Variants in PPIL4 observed in about 807,000 individuals in gnomAD.
The protein encoded by PPIL4 is peptidyl-prolyl cis-trans isomerase-like 4.
A neutral mutation model predicts 69.1 loss-of-function variants in PPIL4; 50 were observed. The ratio of observed to expected loss-of-function variants is 0.72; its 90% CI spans 0.58 to 0.92. PPIL4 has a LOEUF of 0.92. Among genes scored for constraint, PPIL4 ranks in the 40% least tolerant of loss-of-function variants. The pLI, the probability that PPIL4 is intolerant of heterozygous loss-of-function variation, is 0.00. For synonymous variants in PPIL4, 193 were observed against 191.6 expected (o/e 1.01, Z -0.06); for missense variants, 480 against 587.9 (o/e 0.82, Z 1.90).
chr6:149,525,185 C>T lies in PPIL4; in HGVS notation c.828G>A (p.Lys276=). Residue 276 remains lysine, a synonymous_variant, in exon 9 of 13, where the codon AAG becomes AAA. Transcript: ENST00000253329. The part of the protein sequence containing the change: ...IRSCEVIRDW[K]TGESLCYAFI... Reference sequence around the variant, plus strand: ...AAGCGTAACAGAGGGACTCTCCTGTCTTCCAGTCTCGGATAACTTCACAAC... The same window carrying T: ...AAGCGTAACAGAGGGACTCTCCTGTTTTCCAGTCTCGGATAACTTCACAAC... 1 of 1,564,898 alleles carries T rather than the reference C, an allele frequency of 6.4e-7. No homozygotes were observed. Among genetic ancestry groups the T allele is most frequent in the Non-Finnish European group, 8.7e-7 (1 of 1,145,050 alleles).
intron 10 of PPIL4, 37 bp downstream of exon 10, chr6:149,521,023 A>AG (rs758475734): frequency 8.1e-7 from 1 of 1,229,668 alleles, no homozygotes; most frequent in East Asian, 2.3e-5. Context: ...AAAAAAAAAA[A>AG]AAAAGCAGAA....
In PPIL4 at chr6:149,545,970, G is replaced by A. The variant is rs1777434960; in HGVS notation, c.36C>T (p.Val12=). 1 of 1,590,238 alleles carries A rather than the reference G, an allele frequency of 6.3e-7. No individual in the cohort carries two copies. The highest frequency in any genetic ancestry group is 8.6e-7 in the Non-Finnish European group (1 of 1,165,844). Residue 12 remains valine (V), a synonymous_variant, in exon 1 of 13, where the codon GTC becomes GTT. Coordinates refer to ENST00000253329, the MANE Select transcript of PPIL4 (RefSeq NM_139126.4). ...GTTCTTCGGTGTACAAGTCGATGACGACGTCGCCTAAAGTGGTCTCCAGTA... is the reference window on the plus strand; with the variant it reads ...GTTCTTCGGTGTACAAGTCGATGACAACGTCGCCTAAAGTGGTCTCCAGTA... ...AVLLETTLGD[V]VIDLYTEERP... is the part of the protein sequence containing the mutation.
chr6:149,514,018 T>C (rs1776900864), intron 11 of PPIL4, among the ~76,000 whole-genome samples: 1 of 152,072 alleles, frequency 6.6e-6, no homozygotes, highest in South Asian at 2.1e-4. Context: ...CAGACACACT[T>C]CCCTCAGGAC....
At chr6:149,524,074 C>T (rs1777071249) in intron 9 of PPIL4, among the ~76,000 whole-genome samples, 2 of 152,138 alleles carry the variant, frequency 1.3e-5, no homozygotes. Context: ...TTAGAATGAG[C>T]TACTACTGGA....
intron 9 of PPIL4, among the ~76,000 whole-genome samples, chr6:149,523,978 C>T (rs886820491): frequency 6.6e-6 from 1 of 152,178 alleles, no homozygotes; most frequent in Non-Finnish European, 1.5e-5. Flanking sequence ...CCCCAACCCT[C>T]CATGATTCAT....
intron 11 of PPIL4, among the ~76,000 whole-genome samples, chr6:149,514,006 C>T (rs1310547814): frequency 2.6e-5 from 4 of 152,144 alleles, no homozygotes; most frequent in African/African-American, 9.7e-5. Context: ...CCACAGTAAA[C>T]GCAGACACAC....
intron 4 of PPIL4, among the ~76,000 whole-genome samples, chr6:149,536,340 C>T (rs1777274932): frequency 6.6e-6 from 1 of 152,138 alleles, no homozygotes; most frequent in African/African-American, 2.4e-5. Flanking sequence ...ACATCTCTTA[C>T]TTTAAATCAA....
At chr6:149,506,591 A>G (rs780021108) in intron 12 of PPIL4, among the ~76,000 whole-genome samples, 5 of 152,162 alleles carry the variant, frequency 3.3e-5, no homozygotes, top group Non-Finnish European at 7.4e-5. Flanking sequence ...GAAAGACAGA[A>G]GTTAGAGAGG....
At chr6:149,541,683 A>C in intron 1 of PPIL4, 97 bp from the exon 2 acceptor site, 10 of 686,240 alleles carry the variant, frequency 1.5e-5, no homozygotes, top group Middle Eastern at 4.1e-4. Flanking sequence ...AATTACTATT[A>C]AAAGAAAAAA....
chr6:149,524,326 C>T (rs1260258049), intron 9 of PPIL4, among the ~76,000 whole-genome samples: 1 of 152,158 alleles, frequency 6.6e-6, no homozygotes, highest in East Asian at 1.9e-4. Flanking sequence ...TAATGCCTAG[C>T]TTAAAGTAAA....
chr6:149,529,270 G>A (rs373237979), intron 7 of PPIL4, among the ~76,000 whole-genome samples: 8 of 150,448 alleles, frequency 5.3e-5, no homozygotes, highest in East Asian at 3.9e-4. Context: ...ATCCCAGGCC[G>A]GGCAACATAG....
In PPIL4 at chr6:149,504,691, G is replaced by GT. The variant is rs1306489768; in HGVS notation, c.*761dup. On this transcript the variant is annotated 3_prime_UTR_variant, in exon 13 of 13. Transcript: ENST00000253329. ...GTGTTGGAGATGCTATGAAACAAAGGTAACTCACAGTGCCAAGAGAGGTAT... is the reference window on the plus strand; with the variant it reads ...GTGTTGGAGATGCTATGAAACAAAGGTTAACTCACAGTGCCAAGAGAGGTAT... The GT allele has an allele frequency of 6.6e-6, 1 of 152,092 alleles. No homozygotes were observed. The highest frequency in any genetic ancestry group is 1.9e-4 in the East Asian group (1 of 5,194). 9.4% of individuals were successfully genotyped at this position (152,092 alleles called of 1,614,324 possible).
At chr6:149,534,843 G>C in intron 5 of PPIL4, 69 bp from the exon 6 acceptor site, 1 of 952,944 alleles carries the variant, frequency 1.0e-6, no homozygotes, top group Non-Finnish European at 1.6e-6. Context: ...TATTTTAATA[G>C]ATTACAAAAA....
At chr6:149,507,552 G>A (rs1306776443) in intron 12 of PPIL4, among the ~76,000 whole-genome samples, 1 of 151,946 alleles carries the variant, frequency 6.6e-6, no homozygotes, top group Non-Finnish European at 1.5e-5. Flanking sequence ...TGTATTGGTT[G>A]AGACAAACTT....
intron 8 of PPIL4, among the ~76,000 whole-genome samples, chr6:149,526,314 C>G (rs1777106425): frequency 6.6e-6 from 1 of 151,746 alleles, no homozygotes; most frequent in Admixed American, 6.6e-5. Context: ...CTGGTAATTC[C>G]AGGAGTTGAA....
intron 11 of PPIL4, among the ~76,000 whole-genome samples, chr6:149,514,821 GACAAA>G (rs2115029016): frequency 6.6e-6 from 1 of 151,466 alleles, no homozygotes; most frequent in African/African-American, 2.4e-5. Context: ...ATTGGGTTAA[GACAAA>G]AACTGTATTT....
chr6:149,527,714 A>G (rs1777128457), intron 7 of PPIL4, among the ~76,000 whole-genome samples: 1 of 152,186 alleles, frequency 6.6e-6, no homozygotes, highest in Non-Finnish European at 1.5e-5. Flanking sequence ...CTTGCATATC[A>G]TCAGAGTTTT....
intron 11 of PPIL4, among the ~76,000 whole-genome samples, chr6:149,512,957 T>A (rs1045108070): frequency 6.0e-5 from 9 of 151,228 alleles, no homozygotes; most frequent in African/African-American, 2.2e-4. Flanking sequence ...TTGGCCAGGC[T>A]GGTCTCAAAC....
At chr6:149,515,922 CTCTT>C (rs907117431) in intron 11 of PPIL4, among the ~76,000 whole-genome samples, 15 of 152,110 alleles carry the variant, frequency 9.9e-5, no homozygotes, top group Non-Finnish European at 1.6e-4. Context: ...TCACTAATTT[CTCTT>C]TCTCTTAAGG....
Sources: gnomAD v4.1 joint callset for allele counts (sites outside exome capture counted in the v4.1 genomes callset) on GRCh38, gnomAD v4.1.1 for gene constraint, MANE v1.5 for transcripts, NCBI Gene and HGNC (gene_info 2026-07-23, HGNC 2026-07-21) for gene names.